Variants in ETFA observed in about 807,000 individuals in gnomAD.
ETFA encodes electron transfer flavoprotein subunit alpha, mitochondrial.
In ETFA, 22 loss-of-function variants were observed where a neutral mutation model predicts 46.2. The observed-to-expected ratio is 0.48, with a 90% CI of 0.34 to 0.68. The LOEUF (loss-of-function observed/expected upper bound fraction) is 0.68, where lower values mean the gene tolerates loss of function less well. Ranked by LOEUF, ETFA falls within the 30% of genes least tolerant of loss-of-function variation. The pLI, the probability that ETFA is intolerant of heterozygous loss-of-function variation, is 0.01. For missense variants in ETFA, 345 were observed against 401.1 expected, an observed-to-expected ratio of 0.86 and a Z score of 1.19; for synonymous variants, 131 against 139.9, an observed-to-expected ratio of 0.94 and a Z score of 0.45.
At chr15:76,219,526 A>C (rs765417950) in intron 11 of ETFA, among the ~76,000 whole-genome samples, 2 of 152,260 alleles carry the variant, frequency 1.3e-5, no homozygotes, top group Non-Finnish European at 2.9e-5. Flanking sequence ...ATTCTCAAGA[A>C]GGTGAAAAGC....
intron 4 of ETFA, among the ~76,000 whole-genome samples, chr15:76,289,737 G>A (rs1407817252): frequency 6.6e-6 from 1 of 152,172 alleles, no homozygotes; most frequent in Non-Finnish European, 1.5e-5. Context: ...AGCTGGTGAA[G>A]GACTATCATA....
intron 2 of ETFA, among the ~76,000 whole-genome samples, chr15:76,294,167 T>G (rs1002803673): frequency 1.3e-5 from 2 of 152,246 alleles, no homozygotes; most frequent in African/African-American, 2.4e-5. Context: ...GATTTCTATT[T>G]TGATTTTTCT....
At chr15:76,272,805 A>AATATATATATATATATATATAT (rs1379336424) in intron 9 of ETFA, among the ~76,000 whole-genome samples, 5 of 78,540 alleles carry the variant, frequency 6.4e-5, no homozygotes, top group Admixed American at 1.3e-4. Flanking sequence ...TGTCTCTTAA[A>AATATATATATATATATATATAT]ATATATACAT....
chr15:76,275,799 C>A (rs2039584907), intron 8 of ETFA, among the ~76,000 whole-genome samples: 1 of 152,174 alleles, frequency 6.6e-6, no homozygotes, highest in African/African-American at 2.4e-5. Flanking sequence ...TCATTTACAG[C>A]TAATCCAAGT....
At chr15:76,266,747 C>CA (rs914532845) in intron 9 of ETFA, among the ~76,000 whole-genome samples, 63 of 151,998 alleles carry the variant, frequency 4.1e-4, no homozygotes, top group African/African-American at 1.5e-3. Flanking sequence ...ACTAAAAATA[C>CA]AAAAAAATTC....
chr15:76,271,723 T>C (rs2039533457), intron 9 of ETFA, among the ~76,000 whole-genome samples: 3 of 152,180 alleles, frequency 2.0e-5, no homozygotes, highest in African/African-American at 2.4e-5. Flanking sequence ...ATATAACCTA[T>C]TTGGGGATGA....
At chr15:76,221,805 T>C (rs1192982822) in intron 11 of ETFA, among the ~76,000 whole-genome samples, 2 of 152,248 alleles carry the variant, frequency 1.3e-5, no homozygotes, top group Non-Finnish European at 2.9e-5. Context: ...TTAATTACTA[T>C]AACATATTAT....
At chr15:76,240,454 T>A (rs911145575) in intron 9 of ETFA, among the ~76,000 whole-genome samples, 2 of 152,230 alleles carry the variant, frequency 1.3e-5, no homozygotes, top group Non-Finnish European at 2.9e-5. Flanking sequence ...TAGTCTAATA[T>A]GTCCAGAGCA....
In ETFA at chr15:76,311,414, G is replaced by A; in HGVS notation, c.-26C>T. 6.4e-7 allele frequency: 1 copy of A among 1,552,984 alleles called. No homozygotes were observed. Among genetic ancestry groups the A allele is most frequent in the Non-Finnish European group, 8.7e-7 (1 of 1,150,088 alleles). ...GGTCTCCGCTTCCGCCGCAACCTCG[G>A]CCTTACAGCAGCCCCGTGCCCGGCC... On this transcript the variant is annotated 5_prime_UTR_variant, in exon 1 of 12. Transcript: ENST00000557943.
chr15:76,276,621 TTTG>T lies in ETFA; in HGVS notation c.734-2130_734-2128del, dbSNP rs1032512749. ...GATATTATATTACAGTTCAGGTTTT[TTTG>T]TTGTTGTTGTTTTTTTCTTTTTCTG... is the stretch of plus-strand genomic sequence containing the variant. On this transcript the variant is annotated intron_variant, in intron 8 of 11. Transcript: ENST00000557943. Among the ~76,000 whole-genome samples, 351 of 152,244 alleles carry T rather than the reference TTTG, an allele frequency of 2.3e-3. 1 individual carries two copies. The highest frequency in any genetic ancestry group is 6.7e-3 in the African/African-American group (279 of 41,554).
At chr15:76,281,283 G>A (rs2039647949) in intron 8 of ETFA, among the ~76,000 whole-genome samples, 1 of 152,070 alleles carries the variant, frequency 6.6e-6, no homozygotes, top group African/African-American at 2.4e-5. Context: ...GGGATTCCAG[G>A]CATGAGCCAC....
intron 9 of ETFA, among the ~76,000 whole-genome samples, chr15:76,237,390 GA>G (rs1281799153): frequency 6.6e-6 from 1 of 152,102 alleles, no homozygotes; most frequent in African/African-American, 2.4e-5. Context: ...ACACATATTA[GA>G]AAACAAGGAT....
intron 9 of ETFA, among the ~76,000 whole-genome samples, chr15:76,254,567 A>C (rs1384841265): frequency 6.6e-6 from 1 of 152,222 alleles, no homozygotes; most frequent in Non-Finnish European, 1.5e-5. Context: ...CGAGAGCCCC[A>C]AGACCCTTTC....
In ETFA at chr15:76,215,959, A is replaced by C. The variant is rs1278208632; in HGVS notation, c.*600T>G. The C allele has an allele frequency of 6.6e-6, 1 of 152,304 alleles. No individual in the cohort carries two copies. The highest frequency in any genetic ancestry group is 1.5e-5 in the Non-Finnish European group (1 of 68,102). The allele number at this position is 152,304 out of a possible 1,614,324, so 9.4% of individuals were successfully genotyped here. A position where few individuals can be genotyped will look rare whatever the true frequency, so the allele number is the denominator to read the frequency against. ...CGGAAAATGAAATTTACCTTAAGCC[A>C]ACTAAATACATGGAGCTGGGTCAGG... On this transcript the variant is annotated 3_prime_UTR_variant, in exon 12 of 12. Transcript: ENST00000557943.
chr15:76,224,868 T>A (rs1312290308), intron 11 of ETFA, among the ~76,000 whole-genome samples: 1 of 152,164 alleles, frequency 6.6e-6, no homozygotes, highest in East Asian at 1.9e-4. Context: ...GACCTTTAAA[T>A]GTAGCCAAAT....
intron 9 of ETFA, among the ~76,000 whole-genome samples, chr15:76,247,604 T>G (rs1466227059): frequency 6.6e-6 from 1 of 152,228 alleles, no homozygotes; most frequent in Non-Finnish European, 1.5e-5. Flanking sequence ...CAGTACATTT[T>G]TTTTTACGTG....
intron 9 of ETFA, among the ~76,000 whole-genome samples, chr15:76,253,439 A>G (rs1201936692): frequency 6.6e-6 from 1 of 152,180 alleles, no homozygotes; most frequent in Non-Finnish European, 1.5e-5. Context: ...ACTTATTACT[A>G]TTGATCATCA....
intron 9 of ETFA, among the ~76,000 whole-genome samples, chr15:76,236,201 C>A (rs1308443318): frequency 1.3e-5 from 2 of 152,232 alleles, no homozygotes; most frequent in African/African-American, 4.8e-5. Context: ...AAGGGGAAAA[C>A]TGTCCTCTGC....
chr15:76,302,020 A>G (rs934239080), intron 1 of ETFA, among the ~76,000 whole-genome samples: 3 of 152,242 alleles, frequency 2.0e-5, no homozygotes, highest in Non-Finnish European at 4.4e-5. Flanking sequence ...TAAAAAACCA[A>G]AACACTGACA....
Sources: gnomAD v4.1 joint callset for allele counts (sites outside exome capture counted in the v4.1 genomes callset) on GRCh38, gnomAD v4.1.1 for gene constraint, MANE v1.5 for transcripts, NCBI Gene and HGNC (gene_info 2026-07-23, HGNC 2026-07-21) for gene names.